ADAMTSL3: variants seen among roughly 807,000 people sequenced by gnomAD.
The protein encoded by ADAMTSL3 is ADAMTS-like protein 3.
In ADAMTSL3, 128 loss-of-function variants were observed where a neutral mutation model predicts 201.7. The observed-to-expected ratio is 0.63, with a 90% CI of 0.55 to 0.73. The LOEUF is 0.73. Among genes scored for constraint, ADAMTSL3 ranks in the 30% least tolerant of loss-of-function variants. ADAMTSL3 has a pLI of 0.00. For synonymous variants in ADAMTSL3, 738 were observed against 748.4 expected (o/e 0.99, Z 0.23); for missense variants, 1,990 against 2,119.6 (o/e 0.94, Z 1.20).
At chr15:84,012,691 A>G (rs935005290) in intron 23 of ADAMTSL3, among the ~76,000 whole-genome samples, 35 of 152,196 alleles carry the variant, frequency 2.3e-4, no homozygotes, top group African/African-American at 6.3e-4. Context: ...CAGTGCCTAG[A>G]TTGACATTTG....
At chr15:83,850,188 CG>C (rs1257258928) in intron 7 of ADAMTSL3, among the ~76,000 whole-genome samples, 5 of 152,204 alleles carry the variant, frequency 3.3e-5, no homozygotes, top group African/African-American at 1.2e-4. Context: ...CCTCCCGCTA[CG>C]GAGGCACAAA....
intron 6 of ADAMTSL3, among the ~76,000 whole-genome samples, chr15:83,829,328 T>C (rs2064099463): frequency 6.6e-6 from 1 of 152,270 alleles, no homozygotes; most frequent in South Asian, 2.1e-4. Flanking sequence ...CTGTTTATAG[T>C]ATTCCCTGAT....
At position 83,970,618 on chromosome 15, in the gene ADAMTSL3, C is replaced by T; in HGVS notation, c.2625C>T (p.Cys875=). The change falls in exon 20 of 30, where the codon TGC becomes TGT. Residue 875 remains cysteine (C), a synonymous_variant. Transcript: ENST00000286744. ...DLPGLPLVRS[C]QMPECSKIKS... ...CAGGGCTCCCTCTTGTAAGATCTTG[C>T]CAGATGCCTGAGTGCAGTAGTAAGT... The T allele has an allele frequency of 1.2e-6, 2 of 1,614,160 alleles. No homozygotes were observed. The highest frequency in any genetic ancestry group is 1.7e-6 in the Non-Finnish European group (2 of 1,180,012).
chr15:83,819,035 G>A (rs962232366), intron 5 of ADAMTSL3, among the ~76,000 whole-genome samples: 11 of 152,232 alleles, frequency 7.2e-5, no homozygotes, highest in Non-Finnish European at 1.3e-4. Flanking sequence ...CACTTTGGGA[G>A]GCCGACACAG....
chr15:83,751,737 A>T (rs772229284), intron 3 of ADAMTSL3, among the ~76,000 whole-genome samples: 21 of 152,200 alleles, frequency 1.4e-4, no homozygotes, highest in Non-Finnish European at 2.6e-4. Context: ...CATCCTCTTT[A>T]TGGAGTTACT....
intron 3 of ADAMTSL3, among the ~76,000 whole-genome samples, chr15:83,726,431 T>C (rs1401670327): frequency 1.3e-5 from 2 of 152,184 alleles, no homozygotes; most frequent in Non-Finnish European, 2.9e-5. Flanking sequence ...CAGTACTACG[T>C]TGAATGACAG....
At chr15:83,710,716 A>G (rs1050749976) in intron 3 of ADAMTSL3, among the ~76,000 whole-genome samples, 10 of 152,170 alleles carry the variant, frequency 6.6e-5, no homozygotes, top group African/African-American at 2.2e-4. Context: ...ATGCCTCTCT[A>G]AATTGTATTT....
At chr15:83,834,711 C>A (rs2141967776) in intron 6 of ADAMTSL3, among the ~76,000 whole-genome samples, 1 of 152,284 alleles carries the variant, frequency 6.6e-6, no homozygotes, top group East Asian at 1.9e-4. Context: ...TTTATGTCAT[C>A]CACTATCTTG....
intron 15 of ADAMTSL3, among the ~76,000 whole-genome samples, chr15:83,912,752 AATTAG>A (rs2065955421): frequency 6.6e-6 from 1 of 152,248 alleles, no homozygotes; most frequent in South Asian, 2.1e-4. Context: ...TTATAAAATA[AATTAG>A]ATTAGAAATG....
At chr15:83,702,474 G>A (rs1024175284) in intron 2 of ADAMTSL3, among the ~76,000 whole-genome samples, 1 of 152,144 alleles carries the variant, frequency 6.6e-6, no homozygotes, top group Non-Finnish European at 1.5e-5. Context: ...GGCCCAAGAG[G>A]AAAAAGTGGT....
At chr15:83,924,798 C>T (rs2066217987) in intron 17 of ADAMTSL3, among the ~76,000 whole-genome samples, 1 of 152,138 alleles carries the variant, frequency 6.6e-6, no homozygotes, top group Non-Finnish European at 1.5e-5. Context: ...CTCCTTTACC[C>T]TTATTATCTT....
At chr15:83,965,204 C>G in intron 19 of ADAMTSL3, among the ~76,000 whole-genome samples, 1 of 151,770 alleles carries the variant, frequency 6.6e-6, no homozygotes, top group East Asian at 1.9e-4. Flanking sequence ...GGCTAAATGC[C>G]CCAATTAAAA....
At chr15:83,779,345 A>G (rs1448506355) in intron 4 of ADAMTSL3, among the ~76,000 whole-genome samples, 3 of 152,172 alleles carry the variant, frequency 2.0e-5, no homozygotes, top group Admixed American at 6.6e-5. Flanking sequence ...TTACTCTAAA[A>G]TTGATCACAC....
At chr15:83,786,723 C>G (rs2063270194) in intron 4 of ADAMTSL3, among the ~76,000 whole-genome samples, 1 of 152,084 alleles carries the variant, frequency 6.6e-6, no homozygotes, top group Admixed American at 6.6e-5. Context: ...AGTGTGATAT[C>G]TGGCTAATTC....
At chr15:83,780,355 A>G (rs2063147707) in intron 4 of ADAMTSL3, among the ~76,000 whole-genome samples, 1 of 151,216 alleles carries the variant, frequency 6.6e-6, no homozygotes, top group Admixed American at 6.6e-5. Flanking sequence ...GGTTGCAGTG[A>G]GCCAAGATCC....
chr15:83,696,781 C>T (rs955127801), intron 2 of ADAMTSL3, among the ~76,000 whole-genome samples: 1 of 152,128 alleles, frequency 6.6e-6, no homozygotes, highest in Non-Finnish European at 1.5e-5. Context: ...GTGAGCATGC[C>T]CCACAAATTT....
At position 83,942,768 on chromosome 15, in the gene ADAMTSL3, C is replaced by A; in HGVS notation, c.2290C>A (p.His764Asn). 6.2e-7 allele frequency: 1 copy of A among 1,613,544 alleles called. No homozygotes were observed. Among genetic ancestry groups the A allele is most frequent in the African/African-American group, 1.3e-5 (1 of 75,020 alleles). The change falls in exon 18 of 30, where the codon CAC becomes AAC. Residue 764 changes from histidine to asparagine, a missense_variant. Coordinates refer to ENST00000286744, the MANE Select transcript of ADAMTSL3 (RefSeq NM_207517.3). The stretch of plus-strand genomic sequence containing the variant: ...TCAGTTTGACTGCCCTCCTGGCTGG[C>A]ACATTGAAGAATGGCAGCAGGTAGG... Reference protein sequence around the residue: ...CNQFDCPPGWHIEEWQQCSRT... With the variant: ...CNQFDCPPGWNIEEWQQCSRT...
chr15:83,700,913 T>C (rs1431789964), intron 2 of ADAMTSL3, among the ~76,000 whole-genome samples: 1 of 152,258 alleles, frequency 6.6e-6, no homozygotes, highest in Non-Finnish European at 1.5e-5. Flanking sequence ...CCATCTAGTC[T>C]AGTGGAGTTA....
chr15:83,789,954 T>C (rs2063319421), intron 4 of ADAMTSL3, among the ~76,000 whole-genome samples: 1 of 152,144 alleles, frequency 6.6e-6, no homozygotes, highest in South Asian at 2.1e-4. Flanking sequence ...GCAGAGCTAA[T>C]TGAGTTGCTT....
Sources: allele counts gnomAD v4.1 joint callset (sites outside exome capture counted in the v4.1 genomes callset), GRCh38; gene constraint gnomAD v4.1.1; transcripts MANE v1.5; gene names NCBI Gene and HGNC (gene_info 2026-07-23, HGNC 2026-07-21).